DLGAP2: variants seen among roughly 807,000 people sequenced by gnomAD.
DLGAP2 encodes the protein DLG associated protein 2.
A neutral mutation model predicts 100.3 loss-of-function variants in DLGAP2; 26 were observed. That is an observed-to-expected ratio of 0.26 (90% CI 0.19 to 0.36). DLGAP2 has a LOEUF of 0.36. Among genes scored for constraint, DLGAP2 ranks in the 10% least tolerant of loss-of-function variants. The probability of loss-of-function intolerance (pLI) is 1.00; values close to 1 mark genes in which losing one functional copy is unlikely to be tolerated. For missense variants in DLGAP2, 1,858 were observed against 1,453.2 expected, an observed-to-expected ratio of 1.28 and a Z score of -4.53; for synonymous variants, 886 against 630.1, an observed-to-expected ratio of 1.41 and a Z score of -6.08.
At chr8:1,599,205 A>G (rs1563247939) in intron 6 of DLGAP2, among the ~76,000 whole-genome samples, 1 of 152,132 alleles carries the variant, frequency 6.6e-6, no homozygotes, top group Non-Finnish European at 1.5e-5. Context: ...CCTGAGTTCT[A>G]ATTTGATTGC....
intron 3 of DLGAP2, among the ~76,000 whole-genome samples, chr8:1,441,119 A>G (rs370161166): frequency 2.0e-5 from 3 of 152,178 alleles, no homozygotes; most frequent in Non-Finnish European, 2.9e-5. Flanking sequence ...GCTCCAAGAA[A>G]TGCAGTTTTG....
At chr8:1,352,610 G>T (rs919404868) in intron 3 of DLGAP2, among the ~76,000 whole-genome samples, 33 of 152,176 alleles carry the variant, frequency 2.2e-4, no homozygotes, top group Admixed American at 1.8e-3. Flanking sequence ...ATTCCTGGAA[G>T]TTGGCCCATT....
intron 11 of DLGAP2, 132 bp from the exon 12 acceptor site, chr8:1,678,082 C>A: frequency 9.9e-7 from 1 of 1,013,056 alleles, no homozygotes; most frequent in Non-Finnish European, 1.4e-6. Flanking sequence ...ATTTCACAAA[C>A]AAAACACTAC....
At chr8:1,474,424 G>A (rs11995880) in intron 3 of DLGAP2, among the ~76,000 whole-genome samples, 98,928 of 151,972 alleles carry the variant, frequency 0.65, 32,512 homozygotes, top group Admixed American at 0.7. Context: ...CAAACGGTGG[G>A]TCTACTCTTA....
intron 3 of DLGAP2, among the ~76,000 whole-genome samples, chr8:1,341,195 T>C (rs1376168517): frequency 6.6e-6 from 1 of 152,204 alleles, no homozygotes; most frequent in Non-Finnish European, 1.5e-5. Flanking sequence ...CAAGTTTACC[T>C]ATGAAAGACA....
At chr8:836,658 C>T (rs975207784) in intron 1 of DLGAP2, among the ~76,000 whole-genome samples, 2 of 152,172 alleles carry the variant, frequency 1.3e-5, no homozygotes, top group African/African-American at 2.4e-5. Context: ...TCCGTTTCCC[C>T]GGCCTACAGG....
At chr8:1,051,448 G>T (rs559498392) in intron 2 of DLGAP2, among the ~76,000 whole-genome samples, 67 of 152,254 alleles carry the variant, frequency 4.4e-4, no homozygotes, top group African/African-American at 1.5e-3. Flanking sequence ...TCAGCACGTG[G>T]GGAGTGTGCT....
At chr8:1,165,472 T>G (rs1796997455) in intron 2 of DLGAP2, among the ~76,000 whole-genome samples, 1 of 152,144 alleles carries the variant, frequency 6.6e-6, no homozygotes, top group African/African-American at 2.4e-5. Context: ...TTGTTTTTGG[T>G]GCAAAGGGCA....
At chr8:1,292,428 G>A (rs186342558) in intron 3 of DLGAP2, among the ~76,000 whole-genome samples, 26 of 152,286 alleles carry the variant, frequency 1.7e-4, no homozygotes, top group African/African-American at 3.8e-4. Flanking sequence ...GGGACAGTGC[G>A]CTGTCTTTGG....
At chr8:1,537,299 A>C (rs546680923) in intron 4 of DLGAP2, among the ~76,000 whole-genome samples, 1 of 152,270 alleles carries the variant, frequency 6.6e-6, no homozygotes, top group East Asian at 1.9e-4. Flanking sequence ...ACATGTGCAC[A>C]TAGTTGTGTG....
At chr8:1,032,244 G>A (rs970691086) in intron 2 of DLGAP2, among the ~76,000 whole-genome samples, 3 of 152,168 alleles carry the variant, frequency 2.0e-5, no homozygotes, top group South Asian at 2.1e-4. Context: ...TTCCCCCACC[G>A]CCACCACCCG....
chr8:1,494,483 C>G (rs1274405740), intron 3 of DLGAP2, among the ~76,000 whole-genome samples: 1 of 152,200 alleles, frequency 6.6e-6, no homozygotes, highest in Non-Finnish European at 1.5e-5. Context: ...TTAATCCCAG[C>G]ACTTTGGGAG....
chr8:1,593,746 C>T (rs947470220), intron 6 of DLGAP2, among the ~76,000 whole-genome samples: 2 of 152,178 alleles, frequency 1.3e-5, no homozygotes, highest in Non-Finnish European at 1.5e-5. Flanking sequence ...TGGAGTCTGG[C>T]CCACTCTGGT....
intron 2 of DLGAP2, among the ~76,000 whole-genome samples, chr8:913,871 G>C (rs780805740): frequency 6.6e-6 from 1 of 152,222 alleles, no homozygotes; most frequent in East Asian, 1.9e-4. Context: ...GAACCCTGAC[G>C]TGGGAGCCGA....
At chr8:1,383,512 A>G (rs1030533027) in intron 3 of DLGAP2, among the ~76,000 whole-genome samples, 2 of 152,186 alleles carry the variant, frequency 1.3e-5, no homozygotes, top group Non-Finnish European at 1.5e-5. Context: ...AAGGAGGCAA[A>G]TGGTTTAGGG....
At chr8:1,252,118 T>C (rs1003924211) in intron 2 of DLGAP2, among the ~76,000 whole-genome samples, 4 of 151,060 alleles carry the variant, frequency 2.6e-5, no homozygotes, top group African/African-American at 9.9e-5. Flanking sequence ...CAAAGTCATG[T>C]CATGTCACAC....
At chr8:845,235 T>C in intron 1 of DLGAP2, among the ~76,000 whole-genome samples, 1 of 152,254 alleles carries the variant, frequency 6.6e-6, no homozygotes, top group East Asian at 1.9e-4. Flanking sequence ...TTTCCAAAGT[T>C]GCAGCATGAG....
intron 8 of DLGAP2, among the ~76,000 whole-genome samples, chr8:1,652,886 G>A (rs1004630287): frequency 7.9e-5 from 12 of 152,110 alleles, no homozygotes; most frequent in African/African-American, 1.9e-4. Flanking sequence ...ATCAGCGTTC[G>A]TATCTCAAGG....
intron 2 of DLGAP2, among the ~76,000 whole-genome samples, chr8:1,039,564 T>TGTGCGTGGTCAGCTC (rs1802245758): frequency 2.6e-5 from 1 of 37,894 alleles, no homozygotes; most frequent in African/African-American, 1.3e-4. Context: ...GTGGTCAGCT[T>TGTGCGTGGTCAGCTC]GGTGTGCGTG....
Sources: allele counts gnomAD v4.1 joint callset (sites outside exome capture counted in the v4.1 genomes callset), GRCh38; gene constraint gnomAD v4.1.1; transcripts MANE v1.5; gene names NCBI Gene and HGNC (gene_info 2026-07-23, HGNC 2026-07-21).